SP100: variants seen among roughly 807,000 people sequenced by gnomAD.
SP100 encodes the protein nuclear autoantigen Sp-100.
Under a neutral mutation model 130.0 loss-of-function variants are expected in SP100, and 84 were observed. That is an observed-to-expected ratio of 0.65 (90% CI 0.54 to 0.77). The LOEUF is 0.77. SP100 is among the 30% of genes least tolerant of loss of function. SP100 has a pLI of 0.00. For synonymous variants in SP100, 331 were observed against 351.7 expected (o/e 0.94, Z 0.66); for missense variants, 978 against 1,052.2 (o/e 0.93, Z 0.97).
chr2:230,475,022 C>G (rs1222220895), intron 17 of SP100, among the ~76,000 whole-genome samples: 1 of 151,442 alleles, frequency 6.6e-6, no homozygotes, highest in Non-Finnish European at 1.5e-5. Context: ...TTTGATAGAA[C>G]AAGTTATTTT....
intron 2 of SP100, among the ~76,000 whole-genome samples, chr2:230,422,686 C>G (rs2062803321): frequency 6.6e-6 from 1 of 152,186 alleles, no homozygotes; most frequent in Non-Finnish European, 1.5e-5. Context: ...CTCTAACTCT[C>G]TCTTATAGGT....
At chr2:230,528,659 A>G (rs191961464) in intron 24 of SP100, among the ~76,000 whole-genome samples, 1 of 152,330 alleles carries the variant, frequency 6.6e-6, no homozygotes, top group African/African-American at 2.4e-5. Context: ...TGAAAAGACC[A>G]ACAAAATAGA....
intron 3 of SP100, 50 bp downstream of exon 3, chr2:230,443,149 G>A: frequency 6.3e-7 from 1 of 1,582,218 alleles, no homozygotes; most frequent in Non-Finnish European, 8.7e-7. Context: ...CCCAAAATAA[G>A]TTATGCTTTG....
chr2:230,520,419 C>T (rs929463727), intron 24 of SP100, among the ~76,000 whole-genome samples: 16 of 152,228 alleles, frequency 1.1e-4, no homozygotes, highest in Admixed American at 2.6e-4. Context: ...TATTTTACAC[C>T]GCCCTAGGAT....
chr2:230,528,316 T>A (rs921964271), intron 24 of SP100, among the ~76,000 whole-genome samples: 1 of 152,222 alleles, frequency 6.6e-6, no homozygotes, highest in Non-Finnish European at 1.5e-5. Context: ...AACAACCTGC[T>A]CTTGAATGAG....
At chr2:230,494,377 T>C (rs773886188) in intron 17 of SP100, 39 bp from the exon 18 acceptor site, 2 of 1,407,584 alleles carry the variant, frequency 1.4e-6, no homozygotes, top group Admixed American at 1.7e-5. Context: ...TCTTTGTTTA[T>C]AGTTCTAAAG....
At chr2:230,470,782 G>C (rs1008173031) in intron 15 of SP100, among the ~76,000 whole-genome samples, 6 of 152,142 alleles carry the variant, frequency 3.9e-5, no homozygotes, top group African/African-American at 1.4e-4. Context: ...ACAGACAGGA[G>C]GATAAGAGCT....
intron 2 of SP100, among the ~76,000 whole-genome samples, chr2:230,428,922 G>GAT (rs2063019196): frequency 1.3e-5 from 2 of 152,166 alleles, no homozygotes; most frequent in Non-Finnish European, 2.9e-5. Context: ...AATTGCTATA[G>GAT]ATATAATTAT....
rs1269070405 is a variant in SP100 at position 230,443,016 on chromosome 2, G to A, written c.187G>A (p.Glu63Lys). The A allele has an allele frequency of 6.2e-7, 1 of 1,613,700 alleles. No individual in the cohort carries two copies. The highest frequency in any genetic ancestry group is 1.3e-5 in the African/African-American group (1 of 74,900). ...VFKHFKRNKVEISNAIKKTFP... is the reference protein window; with the variant it reads ...VFKHFKRNKVKISNAIKKTFP... Reference sequence around the variant, plus strand: ...CAAGCACTTCAAAAGAAATAAGGTGGAGATTTCAAATGCAATAAAAAAGAC... The same window carrying A: ...CAAGCACTTCAAAAGAAATAAGGTGAAGATTTCAAATGCAATAAAAAAGAC... The change falls in exon 3 of 29, where the codon GAG (glutamate) becomes AAG (lysine). Residue 63 changes from glutamate (E) to lysine (K), a missense_variant. Transcript: ENST00000340126.
In SP100 at chr2:230,442,963, A is replaced by C. The variant is rs200532450; in HGVS notation, c.134A>C (p.Asp45Ala). 7 of 1,614,030 alleles carry C rather than the reference A, an allele frequency of 4.3e-6. No individual in the cohort carries two copies. In the South Asian group the frequency reaches 6.6e-5, roughly 15 times the overall value. ...ATGTTCACGGAAGACCAGGGTGTAG[A>C]TGACAGGCTGCTCTATGACATTGTA... is the stretch of plus-strand genomic sequence containing the variant. ...QRMFTEDQGV[D>A]DRLLYDIVFK... The change falls in exon 3 of 29, where the codon GAT becomes GCT. Residue 45 changes from aspartate to alanine, a missense_variant. Physicochemically the swap from Asp to Ala is moderately radical, Grantham distance 126 (BLOSUM62 -2). Coordinates refer to ENST00000340126, the MANE Select transcript of SP100 (RefSeq NM_001080391.2).
rs148134063 is a variant in SP100 at position 230,452,287 on chromosome 2, C to T, written c.820+2032C>T. Among the ~76,000 whole-genome samples the T allele has an allele frequency of 6.1e-3, 925 of 151,856 alleles. 5 individuals carry two copies. Among genetic ancestry groups the T allele is most frequent in the African/African-American group, 0.021 (887 of 41,344 alleles). On this transcript the variant is annotated intron_variant, in intron 8 of 28. Transcript: ENST00000340126. ...CTACCTCACAGATTCAAGTAATTAT[C>T]CTGCCTCAGCCTCCTGAGTAGCTGG...
At chr2:230,515,073 A>G in intron 24 of SP100, 2 of 1,610,926 alleles carry the variant, frequency 1.2e-6, no homozygotes, top group Non-Finnish European at 1.7e-6. Context: ...TATCATATGC[A>G]TTTTTTGTGC....
At chr2:230,441,039 T>C (rs1433368327) in intron 2 of SP100, among the ~76,000 whole-genome samples, 1 of 152,090 alleles carries the variant, frequency 6.6e-6, no homozygotes, top group Non-Finnish European at 1.5e-5. Flanking sequence ...AAAGAGAAGC[T>C]ACAGACTGGG....
At chr2:230,450,523 A>G (rs1414456893) in intron 8 of SP100, among the ~76,000 whole-genome samples, 1 of 152,202 alleles carries the variant, frequency 6.6e-6, no homozygotes, top group East Asian at 1.9e-4. Flanking sequence ...AGTAATTTTT[A>G]AGAATACATT....
intron 21 of SP100, 43 bp from the exon 22 acceptor site, chr2:230,506,260 G>A (rs1284458478): frequency 1.2e-6 from 2 of 1,607,716 alleles, no homozygotes; most frequent in Non-Finnish European, 1.7e-6. Context: ...CCAAGTTCAG[G>A]TGTTTTCACA....
chr2:230,498,523 T>C lies in SP100; in HGVS notation c.1708T>C (p.Trp570Arg). 1 of 1,479,418 alleles carries C rather than the reference T, an allele frequency of 6.8e-7. No homozygotes were observed. 91.6% of individuals were successfully genotyped at this position (1,479,418 alleles called of 1,614,324 possible). ...GAATAACAAAGTCCAAAAGAAAAGA[T>C]GGCAACAAAGAGGTAAAAAAAAAAA... ...TLNNKVQKKR[W>R]QQRGRKANTR... is the part of the protein sequence containing the mutation. The change falls in exon 19 of 29, where the codon TGG becomes CGG. Residue 570 changes from tryptophan (W) to arginine (R), a missense_variant. By Grantham distance (101) the Trp-to-Arg change is moderately radical (BLOSUM62 -3). Transcript: ENST00000340126.
At chr2:230,541,452 T>G in intron 27 of SP100, 80 bp downstream of exon 27, 7 of 1,212,030 alleles carry the variant, frequency 5.8e-6, no homozygotes, top group South Asian at 1.3e-5. Context: ...AAGGTGCCAT[T>G]CTATTTGGCT....
chr2:230,508,268 A>G, intron 23 of SP100: 1 of 494,688 alleles, frequency 2.0e-6, no homozygotes. Flanking sequence ...AAAAGACAGA[A>G]CTGAATTGTA....
chr2:230,465,096 C>T (rs1462598953), intron 11 of SP100, among the ~76,000 whole-genome samples: 1 of 152,166 alleles, frequency 6.6e-6, no homozygotes, highest in Non-Finnish European at 1.5e-5. Context: ...ATTAGCCAGG[C>T]ATGGTGGCGC....
Sources: allele counts gnomAD v4.1 joint callset (sites outside exome capture counted in the v4.1 genomes callset), GRCh38; gene constraint gnomAD v4.1.1; transcripts MANE v1.5; gene names NCBI Gene and HGNC (gene_info 2026-07-23, HGNC 2026-07-21).